The following LOC128125817 variants were observed in gnomAD, a reference collection of about 807,000 sequenced individuals.
At chr1:41,627,205 G>A in the LOC128125817 span, among the ~76,000 whole-genome samples, 4 of 152,206 alleles carry the variant, frequency 2.6e-5, no homozygotes, top group African/African-American at 7.2e-5. Flanking sequence ...ACGTTTGGGA[G>A]GTCCTTGTTA....
the LOC128125817 span, among the ~76,000 whole-genome samples, chr1:41,606,387 G>T: frequency 6.6e-6 from 1 of 151,768 alleles, no homozygotes; most frequent in Non-Finnish European, 1.5e-5. Flanking sequence ...ATATGTTATT[G>T]CTTTTGCATA....
At chr1:41,628,527 A>T in the LOC128125817 span, among the ~76,000 whole-genome samples, 1 of 152,346 alleles carries the variant, frequency 6.6e-6, no homozygotes, top group East Asian at 1.9e-4. Context: ...CATGGGAGAC[A>T]GCATGGGAAG....
chr1:41,593,418 C>G, the LOC128125817 span, among the ~76,000 whole-genome samples: 19 of 152,336 alleles, frequency 1.2e-4, no homozygotes, highest in Admixed American at 3.3e-4. Flanking sequence ...CAAACTCAGC[C>G]AGTCCCTTAC....
chr1:41,614,500 C>A, the LOC128125817 span, among the ~76,000 whole-genome samples: 2 of 152,378 alleles, frequency 1.3e-5, no homozygotes, highest in South Asian at 4.1e-4. Flanking sequence ...GAAGTCCCAA[C>A]AGGCTGAGCA....
chr1:41,626,837 G>A, the LOC128125817 span, among the ~76,000 whole-genome samples: 13 of 152,322 alleles, frequency 8.5e-5, no homozygotes, highest in South Asian at 2.7e-3. Context: ...CCTTGGAGCT[G>A]TCATTGCTCT....
chr1:41,585,903 C>T, the LOC128125817 span, among the ~76,000 whole-genome samples: 1 of 152,160 alleles, frequency 6.6e-6, no homozygotes, highest in Admixed American at 6.5e-5. Context: ...GTATTTCTCT[C>T]TGGCCCTGGG....
chr1:41,586,268 G>A, the LOC128125817 span, among the ~76,000 whole-genome samples: 9 of 152,212 alleles, frequency 5.9e-5, no homozygotes, highest in African/African-American at 2.2e-4. Flanking sequence ...CCTGGGCTCA[G>A]GTGCATCCTC....
At chr1:41,595,024 T>TA in the LOC128125817 span, among the ~76,000 whole-genome samples, 1 of 152,232 alleles carries the variant, frequency 6.6e-6, no homozygotes, top group African/African-American at 2.4e-5. Flanking sequence ...TGGTGTCTGA[T>TA]AAAAGCACAG....
the LOC128125817 span, among the ~76,000 whole-genome samples, chr1:41,616,390 G>A: frequency 4.6e-5 from 7 of 152,116 alleles, no homozygotes; most frequent in East Asian, 1.9e-4. Flanking sequence ...AGACTATCCC[G>A]TTCAGTTAAA....
At chr1:41,595,464 C>A in the LOC128125817 span, among the ~76,000 whole-genome samples, 1 of 152,126 alleles carries the variant, frequency 6.6e-6, no homozygotes, top group Admixed American at 6.6e-5. Flanking sequence ...GTGGGACATG[C>A]CGAGAAAGGA....
At chr1:41,599,745 T>C in the LOC128125817 span, among the ~76,000 whole-genome samples, 1 of 152,104 alleles carries the variant, frequency 6.6e-6, no homozygotes, top group Non-Finnish European at 1.5e-5. Context: ...ACATCAAAAT[T>C]TAAAATCTTC....
At chr1:41,615,332 G>T in the LOC128125817 span, among the ~76,000 whole-genome samples, 1 of 152,178 alleles carries the variant, frequency 6.6e-6, no homozygotes, top group Non-Finnish European at 1.5e-5. Context: ...TGGGAAATCG[G>T]CCCGTCCCTC....
At chr1:41,597,555 T>C in the LOC128125817 span, among the ~76,000 whole-genome samples, 1 of 152,050 alleles carries the variant, frequency 6.6e-6, no homozygotes, top group African/African-American at 2.4e-5. Context: ...ATTTTACAGG[T>C]GAGGAAACTG....
At chr1:41,601,897 T>C in the LOC128125817 span, among the ~76,000 whole-genome samples, 1 of 152,190 alleles carries the variant, frequency 6.6e-6, no homozygotes, top group African/African-American at 2.4e-5. Context: ...ATGGCTTTTA[T>C]TATGTTGAAG....
the LOC128125817 span, among the ~76,000 whole-genome samples, chr1:41,605,711 C>T: frequency 3.3e-5 from 5 of 151,414 alleles, no homozygotes; most frequent in Non-Finnish European, 7.4e-5. Flanking sequence ...AGGATCTCAC[C>T]GAGCAGAAAA....
At chr1:41,607,257 T>C in the LOC128125817 span, among the ~76,000 whole-genome samples, 1 of 152,222 alleles carries the variant, frequency 6.6e-6, no homozygotes, top group Non-Finnish European at 1.5e-5. Context: ...CTATCCTCCA[T>C]GGGTCTTAAT....
chr1:41,605,525 T>C, the LOC128125817 span, among the ~76,000 whole-genome samples: 1 of 151,380 alleles, frequency 6.6e-6, no homozygotes, highest in Non-Finnish European at 1.5e-5. Context: ...ACCTGAAAAA[T>C]ACAAAGCTTA....
At chr1:41,616,062 C>A in the LOC128125817 span, among the ~76,000 whole-genome samples, 3 of 152,008 alleles carry the variant, frequency 2.0e-5, no homozygotes, top group South Asian at 2.1e-4. Context: ...AAGAGACATG[C>A]CCCAGGTGGG....
At chr1:41,598,842 ATCTCAT>A in the LOC128125817 span, among the ~76,000 whole-genome samples, 7 of 126,406 alleles carry the variant, frequency 5.5e-5, no homozygotes, top group Non-Finnish European at 1.1e-4. Flanking sequence ...TAGGGACAGG[ATCTCAT>A]TCTGTTGCCC....
Sources: gnomAD v4.1 joint callset for allele counts (sites outside exome capture counted in the v4.1 genomes callset) on GRCh38, gnomAD v4.1.1 for gene constraint, MANE v1.5 for transcripts.